Variants in KDM3B observed in about 807,000 individuals in gnomAD.
KDM3B encodes lysine-specific demethylase 3B.
KDM3B carries 10 observed loss-of-function variants against 170.0 expected under a neutral mutation model. The observed-to-expected ratio is 0.06, with a 90% confidence interval of 0.04 to 0.10. The LOEUF (loss-of-function observed/expected upper bound fraction) is 0.10, where lower values mean the gene tolerates loss of function less well. Among genes scored for constraint, KDM3B ranks in the 10% least tolerant of loss-of-function variants. The pLI is 1.00. For missense variants in KDM3B, 1,394 were observed against 2,195.2 expected (o/e 0.64, Z 7.29); for synonymous variants, 831 against 834.8 (o/e 1.00, Z 0.08).
chr5:138,391,431 C>A lies in KDM3B; in HGVS notation c.1799C>A (p.Thr600Asn). ...DRKVPAESMP[T>N]LTPAFPRSLL... ...AAAGTGCCTGCAGAGTCCATGCCCA[C>A]CCTCACTCCAGCCTTCCCACGGAGC... The change falls in exon 8 of 24, where the codon ACC becomes AAC. Residue 600 changes from threonine (T) to asparagine (N), a missense_variant. Transcript: ENST00000314358. The surrounding 1 kb of genome is among the most constrained non-coding windows in gnomAD (Gnocchi z 5.0). 4 of 1,613,850 alleles carry A rather than the reference C, an allele frequency of 2.5e-6. No homozygotes were observed. The highest frequency in any genetic ancestry group is 3.4e-6 in the Non-Finnish European group (4 of 1,179,886).
At position 138,418,971 on chromosome 5, in the gene KDM3B, A is replaced by G. The variant is rs757263617; in HGVS notation, c.3454A>G (p.Ser1152Gly). 10 of 1,614,040 alleles carry G rather than the reference A, an allele frequency of 6.2e-6. No individual in the cohort carries two copies. Among genetic ancestry groups the G allele is most frequent in the South Asian group, 3.3e-5 (3 of 91,088 alleles). The change falls in exon 14 of 24, where the codon AGT (serine) becomes GGT (glycine). Residue 1152 changes from serine (S) to glycine (G), a missense_variant. Physicochemically the swap from Ser to Gly is moderately conservative, Grantham distance 56. This residue lies in a region of KDM3B where 87 missense variants were observed against 83.3 expected (regional missense o/e 1.04). Transcript: ENST00000314358. ...ATTTTAGCTTCCTAGCATAAACCCT[A>G]GTGCCTCTTCTGGAAACGAAACTAC... ...GMSQLPSINP[S>G]ASSGNETTFS...
At chr5:138,354,357 C>T (rs1465851913) in intron 1 of KDM3B, among the ~76,000 whole-genome samples, 1 of 152,182 alleles carries the variant, frequency 6.6e-6, no homozygotes, top group Non-Finnish European at 1.5e-5. Flanking sequence ...ATCTCTATTC[C>T]TCTGCGCTTT....
intron 11 of KDM3B, among the ~76,000 whole-genome samples, chr5:138,413,227 C>CA (rs1248630472): frequency 1.3e-5 from 2 of 151,778 alleles, no homozygotes; most frequent in Non-Finnish European, 2.9e-5. Context: ...ATGAAAAACA[C>CA]AAAAAATTAG....
In KDM3B at chr5:138,435,664, C is replaced by G. The variant is rs928423160; in HGVS notation, c.5250C>G (p.Thr1750=). 2 of 1,613,756 alleles carry G rather than the reference C, an allele frequency of 1.2e-6. No homozygotes were observed. The highest frequency in any genetic ancestry group is 1.7e-6 in the Non-Finnish European group (2 of 1,179,902). The part of the protein sequence containing the change: ...IYHAVKDAVG[T]LKAHESKLAR... Reference sequence around the variant, plus strand: ...ATGCAGTGAAAGATGCGGTTGGCACCCTCAAGGCTCATGAATCCAAACTGG... The same window carrying G: ...ATGCAGTGAAAGATGCGGTTGGCACGCTCAAGGCTCATGAATCCAAACTGG... The change falls in exon 24 of 24, where the codon ACC becomes ACG. Residue 1750 remains threonine, a synonymous_variant. Coordinates refer to ENST00000314358, the MANE Select transcript of KDM3B (RefSeq NM_016604.4).
chr5:138,364,504 A>C (rs1236058447), intron 1 of KDM3B, among the ~76,000 whole-genome samples: 1 of 151,954 alleles, frequency 6.6e-6, no homozygotes, highest in Non-Finnish European at 1.5e-5. Flanking sequence ...TTCAGTGTTT[A>C]GGGTTATTTA....
chr5:138,424,283 A>G lies in KDM3B; in HGVS notation c.4181A>G (p.His1394Arg). 1.2e-6 allele frequency: 2 copies of G among 1,614,166 alleles called. No individual in the cohort carries two copies. Among genetic ancestry groups the G allele is most frequent in the Non-Finnish European group, 1.7e-6 (2 of 1,180,024 alleles). The change falls in exon 16 of 24, where the codon CAT (histidine) becomes CGT (arginine). Residue 1394 changes from histidine (H) to arginine (R), a missense_variant. Physicochemically the swap from His to Arg is conservative, Grantham distance 29. Around this residue, in one of 19 missense-constraint regions of KDM3B, gnomAD observed 66 missense variants for 178.8 expected, o/e 0.37. Transcript: ENST00000314358. ...TGTGATGGGAGGCTTCTGTGTCTCCATGACCCCAGCAACAAAAACAATTGG... is the reference window on the plus strand; with the variant it reads ...TGTGATGGGAGGCTTCTGTGTCTCCGTGACCCCAGCAACAAAAACAATTGG... Reference protein sequence around the residue: ...WLCDGRLLCLHDPSNKNNWKI... With the variant: ...WLCDGRLLCLRDPSNKNNWKI...
chr5:138,418,075 GTTT>G (rs34275336), intron 13 of KDM3B: 4 of 96,808 alleles, frequency 4.1e-5, no homozygotes, highest in Non-Finnish European at 7.9e-5. Context: ...TTTGGTTTTG[GTTT>G]TTTTTTTTTT....
intron 9 of KDM3B, among the ~76,000 whole-genome samples, chr5:138,395,326 T>A (rs993929985): frequency 1.3e-5 from 2 of 152,012 alleles, no homozygotes; most frequent in African/African-American, 4.8e-5. Context: ...TCTCCAATGT[T>A]TAGAGGTGAG....
chr5:138,369,897 GAA>G (rs1350974999), intron 1 of KDM3B, among the ~76,000 whole-genome samples: 1 of 152,176 alleles, frequency 6.6e-6, no homozygotes, highest in Non-Finnish European at 1.5e-5. Flanking sequence ...CACACAAGAG[GAA>G]ACTAAGATTT....
In KDM3B at chr5:138,391,276, T is replaced by C. The variant is rs1762419899; in HGVS notation, c.1644T>C (p.Ala548=). Residue 548 remains alanine, a synonymous_variant, in exon 8 of 24, where the codon GCT becomes GCC. Coordinates refer to ENST00000314358, the MANE Select transcript of KDM3B (RefSeq NM_016604.4). This position sits in a 1 kb window ranked among gnomAD's most constrained non-coding sequence, Gnocchi z 5.0. ...NYFTTVSESL[A]DDSSSRDSFK... The stretch of plus-strand genomic sequence containing the variant: ...TCACTACTGTTTCAGAGAGTTTGGC[T>C]GATGATTCTTCTAGTCGGGACTCAT... 1.2e-6 allele frequency: 2 copies of C among 1,614,090 alleles called. No individual in the cohort carries two copies. Among genetic ancestry groups the C allele is most frequent in the Admixed American group, 1.7e-5 (1 of 60,008 alleles).
intron 1 of KDM3B, among the ~76,000 whole-genome samples, chr5:138,372,143 G>A (rs1761890435): frequency 1.3e-5 from 2 of 152,150 alleles, no homozygotes; most frequent in African/African-American, 4.8e-5. Context: ...GAATCCACAC[G>A]CAGGAATGGG....
At chr5:138,408,682 G>T (rs1403911150) in intron 11 of KDM3B, among the ~76,000 whole-genome samples, 1 of 152,128 alleles carries the variant, frequency 6.6e-6, no homozygotes, top group African/African-American at 2.4e-5. Flanking sequence ...TAAAACTTAA[G>T]CAAGTTTAAG....
chr5:138,374,989 G>T, intron 2 of KDM3B, 104 bp from the exon 3 acceptor site: 3 of 701,342 alleles, frequency 4.3e-6, no homozygotes, highest in African/African-American at 1.8e-5. Flanking sequence ...GTATTTACTG[G>T]GATGAAAGAT....
At chr5:138,398,046 TTTG>T in intron 9 of KDM3B, 129 bp from the exon 10 acceptor site, 1 of 655,772 alleles carries the variant, frequency 1.5e-6, no homozygotes. Flanking sequence ...TGCATACTGT[TTTG>T]GTCGACTGGT....
intron 1 of KDM3B, among the ~76,000 whole-genome samples, chr5:138,357,316 A>G (rs1761475819): frequency 6.6e-6 from 1 of 151,844 alleles, no homozygotes; most frequent in African/African-American, 2.4e-5. Flanking sequence ...GGATTACTTG[A>G]CTGGGAAGGA....
intron 14 of KDM3B, among the ~76,000 whole-genome samples, chr5:138,419,729 AC>A (rs1763220008): frequency 1.3e-4 from 1 of 7,436 alleles, no homozygotes; most frequent in Middle Eastern, 0.042. Context: ...ACACACACAT[AC>A]ACACACACAC....
At chr5:138,385,957 T>A in intron 6 of KDM3B, 65 bp from the exon 7 acceptor site, 1 of 1,521,130 alleles carries the variant, frequency 6.6e-7, no homozygotes, top group South Asian at 1.3e-5. Context: ...GGGAAAGAGC[T>A]AATGGTGTGT....
At chr5:138,353,654 C>T (rs112798129) in intron 1 of KDM3B, among the ~76,000 whole-genome samples, 1 of 152,160 alleles carries the variant, frequency 6.6e-6, no homozygotes, top group African/African-American at 2.4e-5. Context: ...TGAGATCTTT[C>T]TTAGTGGCCG....
At chr5:138,376,648 G>A (rs1448399933) in intron 3 of KDM3B, among the ~76,000 whole-genome samples, 2 of 151,336 alleles carry the variant, frequency 1.3e-5, no homozygotes, top group African/African-American at 4.9e-5. Context: ...AGCTTGCAGT[G>A]AGCCAGGATC....
Sources: gnomAD v4.1 joint callset for allele counts (sites outside exome capture counted in the v4.1 genomes callset) on GRCh38, gnomAD v4.1.1 for gene constraint, gnomAD v4.1.1 regional missense constraint, Gnocchi (gnomAD v3.1) non-coding constraint, MANE v1.5 for transcripts, NCBI Gene and HGNC (gene_info 2026-07-23, HGNC 2026-07-21) for gene names.